Variants in CTIF observed in about 807,000 individuals in gnomAD.
CTIF encodes the protein CBP80/20-dependent translation initiation factor.
In CTIF, 21 loss-of-function variants were observed where a neutral mutation model predicts 66.0. The ratio of observed to expected loss-of-function variants is 0.32; its 90% CI spans 0.23 to 0.46. The LOEUF is 0.46. CTIF is among the 20% of genes least tolerant of loss of function. The pLI, the probability that CTIF is intolerant of heterozygous loss-of-function variation, is 1.00. For missense variants in CTIF, 739 were observed against 812.7 expected (o/e 0.91, Z 1.10); for synonymous variants, 345 against 326.4 (o/e 1.06, Z -0.62).
chr18:48,746,926 C>T (rs1051870264), intron 7 of CTIF, among the ~76,000 whole-genome samples: 1 of 152,282 alleles, frequency 6.6e-6, no homozygotes, highest in East Asian at 1.9e-4. Flanking sequence ...AGGAAGCCCT[C>T]CCTAACCTCA....
chr18:48,715,025 T>C (rs1210998059), intron 7 of CTIF, among the ~76,000 whole-genome samples: 1 of 152,174 alleles, frequency 6.6e-6, no homozygotes, highest in Admixed American at 6.5e-5. Flanking sequence ...CCTGTGATTG[T>C]GGCAGCAAAC....
intron 1 of CTIF, among the ~76,000 whole-genome samples, chr18:48,598,751 G>T (rs1245822993): frequency 6.6e-6 from 1 of 152,162 alleles, no homozygotes; most frequent in African/African-American, 2.4e-5. Flanking sequence ...CACCAATAAG[G>T]ACATCAGCAT....
intron 1 of CTIF, among the ~76,000 whole-genome samples, chr18:48,547,571 C>A (rs1321659622): frequency 6.6e-6 from 1 of 152,192 alleles, no homozygotes. Context: ...CAGCGCCTTC[C>A]CTTATGTTAT....
intron 10 of CTIF, among the ~76,000 whole-genome samples, chr18:48,853,346 A>G (rs775771107): frequency 6.6e-5 from 10 of 152,116 alleles, no homozygotes; most frequent in Non-Finnish European, 1.3e-4. Flanking sequence ...AGAGCCCTGC[A>G]TAGGATGAGG....
intron 3 of CTIF, among the ~76,000 whole-genome samples, chr18:48,654,745 C>T (rs910004429): frequency 1.3e-5 from 2 of 152,138 alleles, no homozygotes; most frequent in Non-Finnish European, 2.9e-5. Context: ...CAGTGATAGA[C>T]TGGATTAAGA....
chr18:48,773,200 G>A (rs572978545), intron 9 of CTIF, among the ~76,000 whole-genome samples: 6 of 152,298 alleles, frequency 3.9e-5, no homozygotes, highest in Admixed American at 2.0e-4. Context: ...CAACCCCCTC[G>A]TATTACAGTT....
intron 7 of CTIF, among the ~76,000 whole-genome samples, chr18:48,733,483 C>G (rs1157997490): frequency 6.6e-6 from 1 of 152,180 alleles, no homozygotes; most frequent in African/African-American, 2.4e-5. Context: ...TGCTCTCAGA[C>G]ACTGATGGAG....
chr18:48,706,451 C>T (rs1259581411), intron 6 of CTIF, among the ~76,000 whole-genome samples: 4 of 152,148 alleles, frequency 2.6e-5, no homozygotes, highest in South Asian at 2.1e-4. Context: ...ATGCTTTCTG[C>T]TCACTGTTTG....
intron 6 of CTIF, among the ~76,000 whole-genome samples, chr18:48,672,258 A>G (rs1429329993): frequency 6.6e-6 from 1 of 151,838 alleles, no homozygotes; most frequent in Admixed American, 6.6e-5. Flanking sequence ...AGCCCCTCAT[A>G]AATAGGGCTG....
At chr18:48,552,445 T>C (rs944110786) in intron 1 of CTIF, among the ~76,000 whole-genome samples, 1 of 152,182 alleles carries the variant, frequency 6.6e-6, no homozygotes, top group African/African-American at 2.4e-5. Flanking sequence ...CAGGAGAAAC[T>C]TATTTCTTGG....
intron 11 of CTIF, 100 bp from the exon 12 acceptor site, chr18:48,859,244 A>G: frequency 9.8e-7 from 1 of 1,024,790 alleles, no homozygotes; most frequent in Non-Finnish European, 1.5e-6. Flanking sequence ...TGTGTCCTTA[A>G]GACAACCCAG....
intron 9 of CTIF, among the ~76,000 whole-genome samples, chr18:48,779,709 G>A (rs1241647819): frequency 6.6e-6 from 1 of 152,210 alleles, no homozygotes; most frequent in Non-Finnish European, 1.5e-5. Context: ...GGGTGGGGGA[G>A]AGTCTCCACC....
At chr18:48,764,200 C>T (rs1250022105) in intron 9 of CTIF, among the ~76,000 whole-genome samples, 1 of 152,226 alleles carries the variant, frequency 6.6e-6, no homozygotes, top group Non-Finnish European at 1.5e-5. Context: ...GTCCCAGCAC[C>T]TCTCATCCTG....
chr18:48,846,497 A>AGATGGATGGATG lies in CTIF; in HGVS notation c.1528-11059_1528-11048dup, dbSNP rs1555705172. ...TGGGTAGATAGATGGATGAAAGGAT[A>AGATGGATGGATG]GATGGATGGATGGATGGATGGATGG... is the stretch of plus-strand genomic sequence containing the variant. On this transcript the variant is annotated intron_variant, in intron 10 of 11. Coordinates refer to ENST00000256413, the MANE Select transcript of CTIF (RefSeq NM_014772.3). Among the ~76,000 whole-genome samples, 583 of 136,858 alleles carry AGATGGATGGATG rather than the reference A, an allele frequency of 4.3e-3. 1 individual carries two copies. The highest frequency in any genetic ancestry group is 6.4e-3 in the Admixed American group (92 of 14,364). 89.8% of individuals were successfully genotyped at this position (136,858 alleles called of 152,430 possible).
intron 7 of CTIF, among the ~76,000 whole-genome samples, chr18:48,736,631 A>G (rs73429407): frequency 0.011 from 1,747 of 152,346 alleles, 27 homozygotes; most frequent in African/African-American, 0.04. Context: ...AAAAACATAT[A>G]GAATGGGTGG....
intron 10 of CTIF, among the ~76,000 whole-genome samples, chr18:48,856,070 G>A (rs768452356): frequency 6.6e-6 from 1 of 152,204 alleles, no homozygotes; most frequent in Non-Finnish European, 1.5e-5. Flanking sequence ...GAAAATATTG[G>A]AGGAATGCCT....
chr18:48,583,784 A>T (rs752365084), intron 1 of CTIF, among the ~76,000 whole-genome samples: 7 of 152,150 alleles, frequency 4.6e-5, no homozygotes, highest in Non-Finnish European at 8.8e-5. Flanking sequence ...GCATGGATGG[A>T]CAGAAGGTAT....
rs1262460178 is a variant in CTIF at position 48,602,794 on chromosome 18, GATGGGTGGGTGAACGAATGGATGA to G, written c.-28-16735_-28-16712del. ...TTTTAAATGGACATATGGGTGGATG[GATGGGTGGGTGAACGAATGGATGA>G]ATGGGTGGATGAATGGATGGATGGA... is the stretch of plus-strand genomic sequence containing the variant. On this transcript the variant is annotated intron_variant, in intron 1 of 11. Coordinates refer to ENST00000256413, the MANE Select transcript of CTIF (RefSeq NM_014772.3). Among the ~76,000 whole-genome samples the G allele has an allele frequency of 2.6e-5, 4 of 152,290 alleles. No homozygotes were observed. In the East Asian group the frequency reaches 7.7e-4, roughly 29 times the overall value.
chr18:48,799,672 C>T (rs1429499950), intron 9 of CTIF, among the ~76,000 whole-genome samples: 2 of 152,238 alleles, frequency 1.3e-5, no homozygotes, highest in East Asian at 3.9e-4. Flanking sequence ...CCAGGGACTT[C>T]CCCATTAATA....
Sources: gnomAD v4.1 joint callset for allele counts (sites outside exome capture counted in the v4.1 genomes callset) on GRCh38, gnomAD v4.1.1 for gene constraint, MANE v1.5 for transcripts, NCBI Gene and HGNC (gene_info 2026-07-23, HGNC 2026-07-21) for gene names.